Variants in CHST8 observed in about 807,000 individuals in gnomAD.
The protein encoded by CHST8 is GALNAC-4-ST1.
Under a neutral mutation model 15.0 loss-of-function variants are expected in CHST8, and 10 were observed. That is an observed-to-expected ratio of 0.67 (90% CI 0.41 to 1.13). The LOEUF (loss-of-function observed/expected upper bound fraction) is 1.13. Ranked by LOEUF, CHST8 falls within the 50% of genes most tolerant of loss-of-function variation. The probability of loss-of-function intolerance (pLI) is 0.00; values close to 1 mark genes in which losing one functional copy is unlikely to be tolerated. For synonymous variants in CHST8, 259 were observed against 256.6 expected, an observed-to-expected ratio of 1.01 and a Z score of -0.09; for missense variants, 634 against 608.2, an observed-to-expected ratio of 1.04 and a Z score of -0.45.
chr19:33,712,658 G>A (rs771891083), intron 3 of CHST8, among the ~76,000 whole-genome samples: 10 of 152,150 alleles, frequency 6.6e-5, no homozygotes, highest in Non-Finnish European at 1.0e-4. Context: ...ATAATTTTAA[G>A]GGTCTTAACT....
intron 2 of CHST8, among the ~76,000 whole-genome samples, chr19:33,688,093 T>G (rs2145254977): frequency 6.6e-6 from 1 of 152,190 alleles, no homozygotes; most frequent in East Asian, 1.9e-4. Context: ...GGGGACAGAG[T>G]GACTGACCTT....
rs749658025 is a variant in CHST8 at position 33,772,778 on chromosome 19, T to C, written c.990T>C (p.His330=). 17 of 1,613,402 alleles carry C rather than the reference T, an allele frequency of 1.1e-5. No individual in the cohort carries two copies. The Middle Eastern group carries it at 2.0e-3, about 188-fold the overall frequency. ...TGGGGATGGACATTCACTGGGACCA[T>C]GTCAGCCGGCTCTGCAGCCCCTGCC... ...RPVGMDIHWD[H]VSRLCSPCLI... is the part of the protein sequence containing the mutation. The change falls in exon 5 of 5, where the codon CAT becomes CAC. Residue 330 remains histidine, a synonymous_variant. Transcript: ENST00000650847.
chr19:33,712,481 G>A lies in CHST8; in HGVS notation c.130+23090G>A, dbSNP rs141255795. On this transcript the variant is annotated intron_variant, in intron 3 of 4. Coordinates refer to ENST00000650847, the MANE Select transcript of CHST8 (RefSeq NM_001127895.2). ...GGTTTGTTTGAATAATTCCATGGGCGGGCAGGGAGTGAAACCTGCTACTTG... is the reference window on the plus strand; with the variant it reads ...GGTTTGTTTGAATAATTCCATGGGCAGGCAGGGAGTGAAACCTGCTACTTG... Among the ~76,000 whole-genome samples the A allele has an allele frequency of 2.2e-3, 328 of 152,234 alleles. 2 individuals are homozygous for A. Among genetic ancestry groups the A allele is most frequent in the Non-Finnish European group, 3.2e-3 (217 of 68,006 alleles).
chr19:33,633,283 C>G (rs1482979826), intron 1 of CHST8, among the ~76,000 whole-genome samples: 1 of 152,166 alleles, frequency 6.6e-6, no homozygotes, highest in Non-Finnish European at 1.5e-5. Flanking sequence ...TGGGTAGACC[C>G]TAATTTATTT....
At chr19:33,760,080 T>C (rs1248422276) in intron 3 of CHST8, among the ~76,000 whole-genome samples, 1 of 152,132 alleles carries the variant, frequency 6.6e-6, no homozygotes, top group Non-Finnish European at 1.5e-5. Flanking sequence ...CCTGCCTGGA[T>C]AGTGACAGCA....
At chr19:33,676,223 T>A (rs1164456574) in intron 2 of CHST8, among the ~76,000 whole-genome samples, 1 of 152,158 alleles carries the variant, frequency 6.6e-6, no homozygotes, top group Non-Finnish European at 1.5e-5. Context: ...GTTTCCAAAT[T>A]GGAAGGTCTA....
intron 1 of CHST8, among the ~76,000 whole-genome samples, chr19:33,643,106 G>A (rs1001456503): frequency 6.6e-6 from 1 of 152,178 alleles, no homozygotes; most frequent in South Asian, 2.1e-4. Flanking sequence ...ATTCCTAGAA[G>A]TGGAATAGTT....
chr19:33,690,748 C>A (rs923509920), intron 3 of CHST8, among the ~76,000 whole-genome samples: 11 of 152,206 alleles, frequency 7.2e-5, no homozygotes, highest in African/African-American at 2.2e-4. Flanking sequence ...CCTGTGGGAG[C>A]TTTGCAGCCT....
At chr19:33,739,877 G>A (rs1221708138) in intron 3 of CHST8, among the ~76,000 whole-genome samples, 1 of 152,134 alleles carries the variant, frequency 6.6e-6, no homozygotes, top group Non-Finnish European at 1.5e-5. Context: ...GGGTGCCATA[G>A]AGAACCAGAC....
chr19:33,716,083 C>T (rs895029678), intron 3 of CHST8, among the ~76,000 whole-genome samples: 1 of 152,188 alleles, frequency 6.6e-6, no homozygotes. Flanking sequence ...CAGGGTGGAC[C>T]TCTTAACCTC....
chr19:33,626,004 G>A (rs1353887354), intron 1 of CHST8, among the ~76,000 whole-genome samples: 1 of 152,118 alleles, frequency 6.6e-6, no homozygotes, highest in Non-Finnish European at 1.5e-5. Flanking sequence ...GCTGTCTTTG[G>A]CGCCATATTC....
At chr19:33,677,794 G>A (rs1394961244) in intron 2 of CHST8, among the ~76,000 whole-genome samples, 1 of 152,228 alleles carries the variant, frequency 6.6e-6, no homozygotes, top group East Asian at 1.9e-4. Context: ...GAACACACAG[G>A]AGGGTGCCTC....
At chr19:33,679,818 C>T (rs1464424612) in intron 2 of CHST8, among the ~76,000 whole-genome samples, 1 of 152,160 alleles carries the variant, frequency 6.6e-6, no homozygotes, top group Non-Finnish European at 1.5e-5. Flanking sequence ...ATCTTCCTTC[C>T]AAGAAGGATT....
At chr19:33,622,379 A>T (rs1412020780) in intron 1 of CHST8, 83 bp downstream of exon 1, 1 of 151,782 alleles carries the variant, frequency 6.6e-6, no homozygotes, top group Admixed American at 6.5e-5. Flanking sequence ...AGGGGTCCCG[A>T]GCGGGCCCCG....
chr19:33,718,793 C>T (rs1568341093), intron 3 of CHST8, among the ~76,000 whole-genome samples: 1 of 152,204 alleles, frequency 6.6e-6, no homozygotes, highest in Non-Finnish European at 1.5e-5. Flanking sequence ...GGCAGCTCAG[C>T]CAGCATGAGG....
chr19:33,645,792 G>A (rs1044680795), intron 1 of CHST8, among the ~76,000 whole-genome samples: 1 of 152,202 alleles, frequency 6.6e-6, no homozygotes, highest in East Asian at 1.9e-4. Context: ...GCCCAGAAAA[G>A]CCAATACACA....
At chr19:33,639,767 C>T (rs1972254648) in intron 1 of CHST8, among the ~76,000 whole-genome samples, 1 of 151,850 alleles carries the variant, frequency 6.6e-6, no homozygotes, top group Non-Finnish European at 1.5e-5. Context: ...TTTTCAACAT[C>T]TTAAGTGAAC....
intron 3 of CHST8, among the ~76,000 whole-genome samples, chr19:33,765,802 C>T (rs904019554): frequency 2.6e-5 from 4 of 152,084 alleles, no homozygotes; most frequent in Non-Finnish European, 5.9e-5. Flanking sequence ...GTCTCGCGAT[C>T]CACCTGCCGT....
intron 3 of CHST8, among the ~76,000 whole-genome samples, chr19:33,741,423 T>C (rs1212934427): frequency 6.6e-6 from 1 of 152,248 alleles, no homozygotes; most frequent in East Asian, 1.9e-4. Flanking sequence ...CAAGTCAACA[T>C]GAACTGTTTC....
Sources: gnomAD v4.1 joint callset for allele counts (sites outside exome capture counted in the v4.1 genomes callset) on GRCh38, gnomAD v4.1.1 for gene constraint, MANE v1.5 for transcripts, NCBI Gene and HGNC (gene_info 2026-07-23, HGNC 2026-07-21) for gene names.